Variants in TMPRSS9 observed in about 807,000 individuals in gnomAD.
TMPRSS9 encodes transmembrane protease serine 9.
Under a neutral mutation model 111.4 loss-of-function variants are expected in TMPRSS9, and 113 were observed. The ratio of observed to expected loss-of-function variants is 1.01; its 90% CI spans 0.87 to 1.19. TMPRSS9 has a LOEUF of 1.19. Ranked by LOEUF, TMPRSS9 falls within the 50% of genes most tolerant of loss-of-function variation. The pLI, the probability that TMPRSS9 is intolerant of heterozygous loss-of-function variation, is 0.00. For missense variants in TMPRSS9, 1,803 were observed against 1,513.1 expected (o/e 1.19, Z -3.18); for synonymous variants, 805 against 659.1 (o/e 1.22, Z -3.39).
chr19:2,416,581 C>G, exon 12 of TMPRSS9: 1 of 1,611,940 alleles, frequency 6.2e-7, no homozygotes, highest in South Asian at 1.1e-5. Flanking sequence ...CACTGCGTCC[C>G]TCCTGGGCCT....
At chr19:2,425,892 C>T (rs374548115) in intron 17 of TMPRSS9, 35 bp from the exon 19 acceptor site, 46 of 1,555,174 alleles carry the variant, frequency 3.0e-5, no homozygotes, top group Non-Finnish European at 4.0e-5. Context: ...GGGGAGGTAC[C>T]GGCCTCTGAA....
intron 13 of TMPRSS9, among the ~76,000 whole-genome samples, chr19:2,420,857 C>A (rs1011002301): frequency 6.6e-6 from 1 of 152,078 alleles, no homozygotes; most frequent in African/African-American, 2.4e-5. Context: ...TATTATTATA[C>A]TATTTATTCT....
intron 13 of TMPRSS9, among the ~76,000 whole-genome samples, chr19:2,419,923 A>T (rs116700405): frequency 0.017 from 2,523 of 152,192 alleles, 53 homozygotes; most frequent in African/African-American, 0.056. Context: ...GTGCTTCAGG[A>T]GGCTGAGGTA....
At chr19:2,411,843 G>T (rs12609648) in intron 9 of TMPRSS9, among the ~76,000 whole-genome samples, 6,042 of 152,112 alleles carry the variant, frequency 0.04, 146 homozygotes, top group Non-Finnish European at 0.049. Context: ...TGAGCCACCA[G>T]GCCCGGCCGA....
exon 16 of TMPRSS9, chr19:2,425,066 C>G: frequency 6.4e-6 from 10 of 1,571,334 alleles, no homozygotes; most frequent in Non-Finnish European, 8.6e-6. Flanking sequence ...CGCGGAGGGG[C>G]AGCTGGAGCG....
intron 7 of TMPRSS9, among the ~76,000 whole-genome samples, chr19:2,407,047 G>A (rs140784641): frequency 1.4e-3 from 205 of 150,890 alleles, no homozygotes; most frequent in African/African-American, 4.7e-3. Flanking sequence ...TGATCTGCCC[G>A]TCTCTGCCTC....
chr19:2,363,958 G>A (rs1599272515), intron 1 of TMPRSS9, among the ~76,000 whole-genome samples: 1 of 151,882 alleles, frequency 6.6e-6, no homozygotes, highest in Non-Finnish European at 1.5e-5. Context: ...ATTATTGGGA[G>A]GGCTGGATCA....
chr19:2,405,421 G>C (rs551838755), exon 7 of TMPRSS9: 2 of 1,607,130 alleles, frequency 1.2e-6, no homozygotes, highest in Admixed American at 3.4e-5. Context: ...GATCGTGGGC[G>C]GCATGGAAGC....
chr19:2,394,380 C>T (rs1970664771), intron 1 of TMPRSS9, among the ~76,000 whole-genome samples: 1 of 151,940 alleles, frequency 6.6e-6, no homozygotes, highest in East Asian at 1.9e-4. Context: ...GAGACCTTGT[C>T]TCAAAAAAAT....
chr19:2,407,587 G>A (rs1323277488), intron 7 of TMPRSS9, among the ~76,000 whole-genome samples: 1 of 46,894 alleles, frequency 2.1e-5, no homozygotes, highest in Admixed American at 2.4e-4. Flanking sequence ...TCCTGCACCT[G>A]TGATTTTTTT....
chr19:2,387,007 G>T (rs1488115356), upstream of TMPRSS9, among the ~76,000 whole-genome samples: 1 of 152,016 alleles, frequency 6.6e-6, no homozygotes, highest in Non-Finnish European at 1.5e-5. Flanking sequence ...GGTTGCCTGA[G>T]GCCAGGAGTT....
At chr19:2,398,108 A>T in intron 2 of TMPRSS9, among the ~76,000 whole-genome samples, 1 of 150,016 alleles carries the variant, frequency 6.7e-6, no homozygotes, top group Non-Finnish European at 1.5e-5. Flanking sequence ...AGCCTGGCCA[A>T]CATAGTGAAA....
chr19:2,390,661 G>A (rs1013560548), intron 1 of TMPRSS9, among the ~76,000 whole-genome samples: 3 of 151,370 alleles, frequency 2.0e-5, no homozygotes, highest in Non-Finnish European at 4.4e-5. Context: ...TTTGAGAACA[G>A]CCTAGGCAAC....
In TMPRSS9 at chr19:2,403,084, C is replaced by T. The variant is rs141796619; in HGVS notation, c.559C>T (p.Arg187Cys). The change falls in exon 6 of 18, where the codon CGC (arginine) becomes TGC (cysteine). Residue 187 changes from arginine to cysteine, a missense_variant and splice_region_variant. By Grantham distance (180) the Arg-to-Cys change is radical. Coordinates refer to ENST00000648592, the Ensembl canonical transcript of TMPRSS9. ...AGTCGGTTCTTTTCTGTCCTCAGGC[C>T]GCTGTCCAGGGAACTCCTTTTCCTG... 181 of 1,607,448 alleles carry T rather than the reference C, an allele frequency of 1.1e-4. No individual in the cohort carries two copies. In the Admixed American group the frequency reaches 1.6e-3, roughly 14 times the overall value.
intron 7 of TMPRSS9, among the ~76,000 whole-genome samples, chr19:2,407,625 T>G (rs1970998654): frequency 6.8e-6 from 1 of 145,998 alleles, no homozygotes; most frequent in African/African-American, 2.5e-5. Flanking sequence ...TTTTTTTTTT[T>G]TTTTGAGACA....
At chr19:2,425,219 G>A (rs1312842744) in exon 16 of TMPRSS9, 3 of 1,477,146 alleles carry the variant, frequency 2.0e-6, no homozygotes, top group Non-Finnish European at 2.7e-6. Context: ...GCGACCCCCG[G>A]ACGGCACGCG....
intron 1 of TMPRSS9, among the ~76,000 whole-genome samples, chr19:2,364,519 A>T (rs1970232504): frequency 6.6e-6 from 1 of 151,924 alleles, no homozygotes; most frequent in African/African-American, 2.4e-5. Context: ...AAGTGCTGAG[A>T]TTACAGGCGG....
At chr19:2,414,291 G>A (rs1971169673) in intron 10 of TMPRSS9, 1 of 291,362 alleles carries the variant, frequency 3.4e-6, no homozygotes, top group Non-Finnish European at 6.5e-6. Flanking sequence ...CCAGGCTGGA[G>A]TGCAGTGGCG....
chr19:2,361,817 C>T (rs1970201608), intron 1 of TMPRSS9, among the ~76,000 whole-genome samples: 1 of 152,198 alleles, frequency 6.6e-6, no homozygotes, highest in African/African-American at 2.4e-5. Flanking sequence ...CAGGCACTGC[C>T]CCGCAGGACT....
Sources: allele counts gnomAD v4.1 joint callset (sites outside exome capture counted in the v4.1 genomes callset), GRCh38; gene constraint gnomAD v4.1.1; transcripts MANE v1.5; gene names NCBI Gene and HGNC (gene_info 2026-07-23, HGNC 2026-07-21).